The following RHOBTB2 variants were observed in gnomAD, a reference collection of about 807,000 sequenced individuals.
RHOBTB2 encodes the protein Rho related BTB domain containing 2.
A neutral mutation model predicts 66.5 loss-of-function variants in RHOBTB2; 39 were observed. That is an observed-to-expected ratio of 0.59 (90% CI 0.45 to 0.77). The LOEUF is 0.77. RHOBTB2 is among the 30% of genes least tolerant of loss of function. The pLI is 0.00. For synonymous variants in RHOBTB2, 390 were observed against 395.0 expected, an observed-to-expected ratio of 0.99 and a Z score of 0.15; for missense variants, 755 against 999.1, an observed-to-expected ratio of 0.76 and a Z score of 3.29.
At chr8:22,968,236 A>G in the RHOBTB2 span, among the ~76,000 whole-genome samples, 1 of 152,284 alleles carries the variant, frequency 6.6e-6, no homozygotes, top group Non-Finnish European at 1.5e-5. Flanking sequence ...ATTAAAAAAC[A>G]ATTTTAAAAA....
At position 23,019,975 on chromosome 8, in the gene RHOBTB2, T is replaced by C. The variant is rs1182977295; in HGVS notation, c.*2506T>C. On this transcript the variant is annotated 3_prime_UTR_variant, in exon 10 of 10. Coordinates refer to ENST00000251822, the MANE Select transcript of RHOBTB2 (RefSeq NM_015178.3). Reference sequence around the variant, plus strand: ...ACCTAGCTCTTTAAACTCTGGGGAGTCGGATTCAGGAAACACCCCCAGGAG... The same window carrying C: ...ACCTAGCTCTTTAAACTCTGGGGAGCCGGATTCAGGAAACACCCCCAGGAG... 2 of 295,708 alleles carry C rather than the reference T, an allele frequency of 6.8e-6. No individual in the cohort carries two copies. Among genetic ancestry groups the C allele is most frequent in the Non-Finnish European group, 6.6e-6 (1 of 151,094 alleles). The allele number at this position is 295,708 out of a possible 1,614,324, so 18.3% of individuals were successfully genotyped here.
the RHOBTB2 span, among the ~76,000 whole-genome samples, chr8:22,956,745 T>C: frequency 6.6e-6 from 1 of 152,202 alleles, no homozygotes; most frequent in Non-Finnish European, 1.5e-5. Flanking sequence ...CACTGCAACC[T>C]CCGCCTCCCG....
At chr8:22,959,558 C>T in the RHOBTB2 span, among the ~76,000 whole-genome samples, 35 of 152,202 alleles carry the variant, frequency 2.3e-4, no homozygotes, top group African/African-American at 8.2e-4. Context: ...CTGGCCTACT[C>T]TTTCTAGGGC....
At chr8:22,997,460 G>T (rs1265656841), upstream of RHOBTB2, among the ~76,000 whole-genome samples, 2 of 152,142 alleles carry the variant, frequency 1.3e-5, no homozygotes, top group African/African-American at 4.8e-5. Flanking sequence ...GCGGGGCGGG[G>T]GCTGTGGGGG....
chr8:22,970,202 C>A, the RHOBTB2 span, among the ~76,000 whole-genome samples: 1 of 152,190 alleles, frequency 6.6e-6, no homozygotes, highest in African/African-American at 2.4e-5. Flanking sequence ...GGTTGCACAT[C>A]TGGTGAGCGC....
At chr8:22,954,963 C>G in the RHOBTB2 span, among the ~76,000 whole-genome samples, 2 of 152,116 alleles carry the variant, frequency 1.3e-5, no homozygotes, top group African/African-American at 4.8e-5. Context: ...GAAACCCAGT[C>G]TTACTAAAAA....
At chr8:22,971,075 G>A in the RHOBTB2 span, among the ~76,000 whole-genome samples, 2 of 152,166 alleles carry the variant, frequency 1.3e-5, no homozygotes, top group Admixed American at 1.3e-4. Flanking sequence ...CCAACATGAG[G>A]GAGAAGCCAT....
chr8:22,958,677 T>G, the RHOBTB2 span, among the ~76,000 whole-genome samples: 1 of 151,706 alleles, frequency 6.6e-6, no homozygotes, highest in Non-Finnish European at 1.5e-5. Context: ...GGTGCACACC[T>G]GTGGTTCCGG....
the RHOBTB2 span, among the ~76,000 whole-genome samples, chr8:22,971,888 C>T: frequency 1.3e-5 from 2 of 152,314 alleles, no homozygotes; most frequent in East Asian, 3.9e-4. Context: ...AGTTGATTTA[C>T]CCCCTTGCTG....
At chr8:23,012,803 A>T (rs1015771768) in intron 7 of RHOBTB2, among the ~76,000 whole-genome samples, 9 of 151,562 alleles carry the variant, frequency 5.9e-5, no homozygotes, top group Non-Finnish European at 1.0e-4. Flanking sequence ...ATTTATTTTT[A>T]TTTATTTATT....
chr8:22,975,940 G>A, the RHOBTB2 span, among the ~76,000 whole-genome samples: 1 of 152,090 alleles, frequency 6.6e-6, no homozygotes, highest in African/African-American at 2.4e-5. Context: ...GAGGTCAGGA[G>A]TTCGGGACCA....
chr8:23,014,496 C>T (rs905248711), intron 7 of RHOBTB2, among the ~76,000 whole-genome samples, 194 bp from the exon 8 acceptor site: 4 of 152,230 alleles, frequency 2.6e-5, no homozygotes, highest in Admixed American at 1.3e-4. Flanking sequence ...TACCCTACCC[C>T]GTTGAGCTCT....
At chr8:22,988,405 G>A (rs1000981040) in intron 1 of RHOBTB2, among the ~76,000 whole-genome samples, 7 of 151,740 alleles carry the variant, frequency 4.6e-5, no homozygotes, top group South Asian at 2.1e-4. Flanking sequence ...CAAGTGACCC[G>A]CCCACCTCGG....
At chr8:23,016,777 A>T (rs1811302771) in intron 9 of RHOBTB2, among the ~76,000 whole-genome samples, 1 of 152,028 alleles carries the variant, frequency 6.6e-6, no homozygotes, top group South Asian at 2.1e-4. Context: ...TTCCACTGAA[A>T]CAGTAGTCTT....
chr8:22,987,896 G>A (rs748995919), intron 1 of RHOBTB2, among the ~76,000 whole-genome samples: 21 of 152,146 alleles, frequency 1.4e-4, no homozygotes, highest in Non-Finnish European at 7.4e-5. Context: ...CCATGTGCCA[G>A]CGGCAGGCCT....
chr8:22,979,773 C>CTTTTTTTTT, the RHOBTB2 span, among the ~76,000 whole-genome samples: 1 of 97,272 alleles, frequency 1.0e-5, no homozygotes, highest in Non-Finnish European at 1.9e-5. Flanking sequence ...CAGAGTGAGA[C>CTTTTTTTTT]TCTGTGACAG....
At chr8:22,994,020 C>A (rs990080763) in intron 2 of RHOBTB2, among the ~76,000 whole-genome samples, 2 of 152,216 alleles carry the variant, frequency 1.3e-5, no homozygotes, top group African/African-American at 4.8e-5. Context: ...TGCTGGCCAT[C>A]AGCTGGTCTT....
rs763928655 is a variant in RHOBTB2, at chr8:23,006,965, C to T, written c.720C>T (p.Pro240=). The change falls in exon 5 of 10, where the codon CCC becomes CCT. Residue 240 remains proline (P), a synonymous_variant. Coordinates refer to ENST00000251822, the MANE Select transcript of RHOBTB2 (RefSeq NM_015178.3). This position sits in a 1 kb window ranked among gnomAD's most constrained non-coding sequence, Gnocchi z 6.1. ...CCTTCCTACCCCCCAAGCCACCGCCCCCGATCATCGTGGTGCCCGACCCTC... is the reference window on the plus strand; with the variant it reads ...CCTTCCTACCCCCCAAGCCACCGCCTCCGATCATCGTGGTGCCCGACCCTC... ...QAPFLPPKPP[P]PIIVVPDPPS... is the part of the protein sequence containing the mutation. The T allele has an allele frequency of 1.2e-6, 2 of 1,611,608 alleles. No homozygotes were observed. Among genetic ancestry groups the T allele is most frequent in the Non-Finnish European group, 1.7e-6 (2 of 1,179,982 alleles).
chr8:22,982,736 T>C (rs149898272), upstream of RHOBTB2, among the ~76,000 whole-genome samples: 362 of 152,324 alleles, frequency 2.4e-3, 1 homozygote, highest in Middle Eastern at 3.4e-3. Context: ...CATACTATCT[T>C]ATTCCATTCA....
Sources: gnomAD v4.1 joint callset for allele counts (sites outside exome capture counted in the v4.1 genomes callset) on GRCh38, gnomAD v4.1.1 for gene constraint, Gnocchi (gnomAD v3.1) non-coding constraint, MANE v1.5 for transcripts, NCBI Gene and HGNC (gene_info 2026-07-23, HGNC 2026-07-21) for gene names.